The following ADAMTS19 variants were observed in gnomAD, a reference collection of about 807,000 sequenced individuals.
ADAMTS19 encodes ADAM metallopeptidase with thrombospondin type 1 motif 19.
In ADAMTS19, 93 loss-of-function variants were observed where a neutral mutation model predicts 153.3. The observed-to-expected ratio is 0.61, with a 90% CI of 0.51 to 0.72. The LOEUF (loss-of-function observed/expected upper bound fraction) is 0.72, where lower values mean the gene tolerates loss of function less well. ADAMTS19 is among the 30% of genes least tolerant of loss of function. ADAMTS19 has a pLI of 0.00. For synonymous variants in ADAMTS19, 600 were observed against 556.6 expected (o/e 1.08, Z -1.10); for missense variants, 1,482 against 1,552.1 (o/e 0.95, Z 0.76).
chr5:129,500,489 T>G (rs575468820), intron 2 of ADAMTS19: 1 of 152,292 alleles, frequency 6.6e-6, no homozygotes, highest in South Asian at 2.1e-4. Context: ...CTCAGTCTTT[T>G]CCTGTGAGGA....
At chr5:129,576,261 T>C (rs2126873741) in intron 7 of ADAMTS19, among the ~76,000 whole-genome samples, 1 of 152,190 alleles carries the variant, frequency 6.6e-6, no homozygotes, top group South Asian at 2.1e-4. Context: ...ACTTTTTCTC[T>C]AAACATTTAC....
At chr5:129,577,429 A>T (rs1477228459) in intron 7 of ADAMTS19, among the ~76,000 whole-genome samples, 1 of 152,148 alleles carries the variant, frequency 6.6e-6, no homozygotes, top group African/African-American at 2.4e-5. Context: ...TAAAACTGAT[A>T]TAGAAAAAAT....
At chr5:129,679,688 C>G (rs1227772741) in intron 16 of ADAMTS19, 76 bp from the exon 17 acceptor site, 1 of 1,294,440 alleles carries the variant, frequency 7.7e-7, no homozygotes, top group Non-Finnish European at 1.0e-6. Context: ...CTAGTTTTAA[C>G]AAAATAATTT....
rs751216528 is a variant in ADAMTS19, at chr5:129,619,155, A to G, written c.1479-1463A>G. ...GAATTTGAGTTTGTCCAGGCAAAGG[A>G]GCTGAAGGAGAGGCACTTTAGACAG... is the stretch of plus-strand genomic sequence containing the variant. On this transcript the variant is annotated intron_variant, in intron 8 of 22. Transcript: ENST00000274487. Among the ~76,000 whole-genome samples, 66 of 151,966 alleles carry G rather than the reference A, an allele frequency of 4.3e-4. 1 individual carries two copies. Among genetic ancestry groups the G allele is most frequent in the Admixed American group, 1.6e-3 (25 of 15,204 alleles).
intron 21 of ADAMTS19, among the ~76,000 whole-genome samples, chr5:129,716,173 CCT>C (rs1159743723): frequency 6.6e-6 from 1 of 152,006 alleles, no homozygotes; most frequent in African/African-American, 2.4e-5. Context: ...TCCAATAACT[CCT>C]CATTTTTATT....
rs188310275 is a variant in ADAMTS19 at position 129,564,933 on chromosome 5, T to C, written c.1372+13026T>C. Among the ~76,000 whole-genome samples, 459 of 152,294 alleles carry C rather than the reference T, an allele frequency of 3.0e-3. 9 individuals are homozygous for C. Among genetic ancestry groups the C allele is most frequent in the Middle Eastern group, 0.017 (5 of 294 alleles). ...TTTATTTATATATAAGGTAAACATA[T>C]ATTTTGTAGTTCATACCAAGGAACT... On this transcript the variant is annotated intron_variant, in intron 7 of 22. Transcript: ENST00000274487.
At chr5:129,622,927 T>C (rs1487016111) in intron 10 of ADAMTS19, among the ~76,000 whole-genome samples, 1 of 152,146 alleles carries the variant, frequency 6.6e-6, no homozygotes, top group Admixed American at 6.5e-5. Flanking sequence ...TTTTTATCTG[T>C]GGTTGGTTGG....
At chr5:129,622,082 G>T in intron 9 of ADAMTS19, 116 bp from the exon 10 acceptor site, 1 of 947,494 alleles carries the variant, frequency 1.1e-6, no homozygotes, top group Non-Finnish European at 1.6e-6. Context: ...GTATTCAATG[G>T]AAGAGCTTAG....
intron 21 of ADAMTS19, among the ~76,000 whole-genome samples, chr5:129,713,343 C>T (rs1756566505): frequency 6.6e-6 from 1 of 152,142 alleles, no homozygotes; most frequent in African/African-American, 2.4e-5. Flanking sequence ...CTACTAGAGA[C>T]TATCCAGAGA....
At chr5:129,667,084 T>C (rs1010325774) in intron 16 of ADAMTS19, among the ~76,000 whole-genome samples, 10 of 152,154 alleles carry the variant, frequency 6.6e-5, no homozygotes, top group African/African-American at 2.2e-4. Flanking sequence ...ACGCCTTTTA[T>C]AAGGTCAGCA....
At chr5:129,630,574 A>G (rs1752242971) in intron 10 of ADAMTS19, among the ~76,000 whole-genome samples, 1 of 152,098 alleles carries the variant, frequency 6.6e-6, no homozygotes, top group Admixed American at 6.6e-5. Flanking sequence ...AAATTACATC[A>G]TATCATAAGA....
intron 7 of ADAMTS19, among the ~76,000 whole-genome samples, chr5:129,562,707 T>C (rs1753565591): frequency 6.6e-6 from 1 of 152,154 alleles, no homozygotes; most frequent in African/African-American, 2.4e-5. Context: ...AATTGGTAAA[T>C]ACTTAAAGCT....
intron 2 of ADAMTS19, among the ~76,000 whole-genome samples, chr5:129,478,205 T>C (rs1250117072): frequency 6.6e-6 from 1 of 152,212 alleles, no homozygotes; most frequent in African/African-American, 2.4e-5. Flanking sequence ...AATGAAATTA[T>C]ATTTTATGGG....
chr5:129,637,033 T>C (rs1024983132), intron 10 of ADAMTS19, among the ~76,000 whole-genome samples: 2 of 151,614 alleles, frequency 1.3e-5, no homozygotes, highest in African/African-American at 4.9e-5. Context: ...CAGATTTTTT[T>C]TTCTCTTTTT....
chr5:129,607,409 C>T (rs191100801), intron 8 of ADAMTS19, among the ~76,000 whole-genome samples: 3 of 152,196 alleles, frequency 2.0e-5, no homozygotes, highest in African/African-American at 7.2e-5. Context: ...TATTAGACAT[C>T]ATAAGTCTCC....
At chr5:129,558,756 A>G (rs2126837182) in intron 7 of ADAMTS19, among the ~76,000 whole-genome samples, 1 of 152,260 alleles carries the variant, frequency 6.6e-6, no homozygotes, top group South Asian at 2.1e-4. Context: ...TATAGTACAC[A>G]GTAAATATGA....
At chr5:129,729,617 G>A (rs1407041893) in intron 21 of ADAMTS19, among the ~76,000 whole-genome samples, 1 of 151,888 alleles carries the variant, frequency 6.6e-6, no homozygotes, top group African/African-American at 2.4e-5. Flanking sequence ...ATTTCTTGGA[G>A]AATATTTTTA....
At position 129,724,313 on chromosome 5, in the gene ADAMTS19, A is replaced by G. The variant is rs116205521; in HGVS notation, c.3313-10619A>G. Among the ~76,000 whole-genome samples, 529 of 152,294 alleles carry G rather than the reference A, an allele frequency of 3.5e-3. 3 individuals are homozygous for G. Among genetic ancestry groups the G allele is most frequent in the African/African-American group, 0.012 (505 of 41,562 alleles). On this transcript the variant is annotated intron_variant, in intron 21 of 22. Coordinates refer to ENST00000274487, the MANE Select transcript of ADAMTS19 (RefSeq NM_133638.6). The stretch of plus-strand genomic sequence containing the variant: ...CTGTCATATTCTTATTGCTACAAAG[A>G]GTCTGCTTTGTCAATCTTAAGGTCT...
At chr5:129,715,875 A>C (rs547834983) in intron 21 of ADAMTS19, among the ~76,000 whole-genome samples, 30 of 152,244 alleles carry the variant, frequency 2.0e-4, no homozygotes, top group African/African-American at 7.0e-4. Context: ...ACGGTGTTTA[A>C]AATTTCAAAG....
Sources: gnomAD v4.1 joint callset for allele counts (sites outside exome capture counted in the v4.1 genomes callset) on GRCh38, gnomAD v4.1.1 for gene constraint, MANE v1.5 for transcripts, NCBI Gene and HGNC (gene_info 2026-07-23, HGNC 2026-07-21) for gene names.